Variants in RAB38 observed in about 807,000 individuals in gnomAD.
RAB38 encodes ras-related protein Rab-38.
Under a neutral mutation model 18.4 loss-of-function variants are expected in RAB38, and 15 were observed. The observed-to-expected ratio is 0.82, with a 90% CI of 0.55 to 1.26. The LOEUF (loss-of-function observed/expected upper bound fraction) is 1.26, where lower values mean the gene tolerates loss of function less well. RAB38 is among the 50% of genes most tolerant of loss of function. The probability of loss-of-function intolerance (pLI) is 0.00; values close to 1 mark genes in which losing one functional copy is unlikely to be tolerated. For missense variants in RAB38, 294 were observed against 267.4 expected (o/e 1.10, Z -0.69); for synonymous variants, 101 against 104.4 (o/e 0.97, Z 0.20).
the RAB38 span, among the ~76,000 whole-genome samples, chr11:88,037,756 A>G: frequency 2.6e-5 from 4 of 152,130 alleles, no homozygotes; most frequent in Admixed American, 1.3e-4. Flanking sequence ...TTGCTCTATC[A>G]GTTCATATCT....
the RAB38 span, among the ~76,000 whole-genome samples, chr11:87,902,118 G>C: frequency 2.0e-5 from 3 of 151,390 alleles, no homozygotes; most frequent in African/African-American, 7.3e-5. Context: ...CCATCTTACA[G>C]AGAAAGAAAT....
chr11:88,100,363 G>A, the RAB38 span, among the ~76,000 whole-genome samples: 1 of 151,908 alleles, frequency 6.6e-6, no homozygotes, highest in African/African-American at 2.4e-5. Context: ...CATTCCTGAA[G>A]GGTGCCAGAA....
At chr11:87,833,678 G>T in the RAB38 span, among the ~76,000 whole-genome samples, 1 of 152,210 alleles carries the variant, frequency 6.6e-6, no homozygotes, top group African/African-American at 2.4e-5. Context: ...CTGAAGTACA[G>T]AGTTGTTAAA....
intron 2 of RAB38, among the ~76,000 whole-genome samples, chr11:88,121,885 G>A (rs1192648146): frequency 6.6e-6 from 1 of 152,126 alleles, no homozygotes; most frequent in Admixed American, 6.5e-5. Context: ...TTAACCCACT[G>A]CTCCCTATAA....
intron 1 of RAB38, among the ~76,000 whole-genome samples, chr11:88,161,998 T>C (rs1322858290): frequency 1.3e-5 from 2 of 152,178 alleles, no homozygotes; most frequent in Middle Eastern, 3.4e-3. Flanking sequence ...ATATGGACCT[T>C]GCACAATAAT....
At chr11:88,009,232 C>G in the RAB38 span, among the ~76,000 whole-genome samples, 2 of 152,076 alleles carry the variant, frequency 1.3e-5, no homozygotes, top group Non-Finnish European at 2.9e-5. Flanking sequence ...AATTTCTTAT[C>G]TATGGTTCTA....
chr11:87,908,587 T>A, the RAB38 span, among the ~76,000 whole-genome samples: 3 of 152,076 alleles, frequency 2.0e-5, no homozygotes, highest in Admixed American at 6.6e-5. Context: ...ACTTCATTGT[T>A]CTTATGTTTG....
At chr11:88,092,322 G>T in the RAB38 span, among the ~76,000 whole-genome samples, 1 of 77,626 alleles carries the variant, frequency 1.3e-5, no homozygotes, top group Non-Finnish European at 2.3e-5. Flanking sequence ...TGGCAAGAGG[G>T]AGGCAGAGAG....
the RAB38 span, among the ~76,000 whole-genome samples, chr11:88,008,437 C>G: frequency 1.3e-5 from 2 of 152,044 alleles, no homozygotes; most frequent in Admixed American, 1.3e-4. Flanking sequence ...TATCTAGCAG[C>G]AGTAAGCCAT....
At chr11:88,019,541 T>C in the RAB38 span, among the ~76,000 whole-genome samples, 1 of 152,158 alleles carries the variant, frequency 6.6e-6, no homozygotes, top group African/African-American at 2.4e-5. Context: ...GTAAATCATA[T>C]AATATCATTC....
chr11:88,174,943 CAG>C (rs1943365098), intron 1 of RAB38, among the ~76,000 whole-genome samples: 1 of 152,368 alleles, frequency 6.6e-6, no homozygotes, highest in Middle Eastern at 3.4e-3. Flanking sequence ...CTGCTCTGGG[CAG>C]AGAGATCCCA....
chr11:87,893,463 T>A, the RAB38 span, among the ~76,000 whole-genome samples: 1 of 146,870 alleles, frequency 6.8e-6, no homozygotes, highest in South Asian at 2.1e-4. Flanking sequence ...TCAACTATGG[T>A]CAGGAGGAAG....
the RAB38 span, among the ~76,000 whole-genome samples, chr11:87,951,889 G>A: frequency 6.6e-6 from 1 of 152,174 alleles, no homozygotes; most frequent in African/African-American, 2.4e-5. Flanking sequence ...CAGATCTCAA[G>A]CTGCATGCTG....
the RAB38 span, among the ~76,000 whole-genome samples, chr11:87,915,353 AG>A: frequency 2.6e-5 from 4 of 152,290 alleles, no homozygotes; most frequent in South Asian, 2.1e-4. Flanking sequence ...CTGATAAAAC[AG>A]GTTGCAGTAA....
chr11:88,033,348 G>A, the RAB38 span, among the ~76,000 whole-genome samples: 1 of 150,976 alleles, frequency 6.6e-6, no homozygotes, highest in Admixed American at 6.6e-5. Context: ...TGCATGTTGT[G>A]TACATGTACC....
At chr11:88,130,038 T>A (rs536766290) in intron 2 of RAB38, among the ~76,000 whole-genome samples, 1 of 152,186 alleles carries the variant, frequency 6.6e-6, no homozygotes, top group African/African-American at 2.4e-5. Context: ...AGCAGCACAT[T>A]TGGAAGTATT....
chr11:87,972,466 T>C, the RAB38 span, among the ~76,000 whole-genome samples: 1 of 152,064 alleles, frequency 6.6e-6, no homozygotes, highest in Non-Finnish European at 1.5e-5. Context: ...ATAGAGACTA[T>C]ACTGAATGAA....
chr11:88,060,163 C>T, the RAB38 span: 4 of 152,136 alleles, frequency 2.6e-5, no homozygotes, highest in African/African-American at 2.4e-5. Flanking sequence ...TATTTTCATT[C>T]TCTTTCTGTA....
At chr11:87,903,699 G>C in the RAB38 span, among the ~76,000 whole-genome samples, 1 of 151,018 alleles carries the variant, frequency 6.6e-6, no homozygotes, top group East Asian at 2.0e-4. Context: ...TACGTTTCTT[G>C]GTGGGACGTT....
Sources: allele counts gnomAD v4.1 joint callset (sites outside exome capture counted in the v4.1 genomes callset), GRCh38; gene constraint gnomAD v4.1.1; transcripts MANE v1.5; gene names NCBI Gene and HGNC (gene_info 2026-07-23, HGNC 2026-07-21).